Variants in RPS3 observed in about 807,000 individuals in gnomAD.
RPS3 encodes the protein ribosomal protein S3.
Under a neutral mutation model 25.8 loss-of-function variants are expected in RPS3, and 2 were observed. The observed-to-expected ratio is 0.08, with a 90% CI of 0.03 to 0.24. The LOEUF (loss-of-function observed/expected upper bound fraction) is 0.24. Among genes scored for constraint, RPS3 ranks in the 10% least tolerant of loss-of-function variants. The probability of loss-of-function intolerance (pLI) is 1.00; values close to 1 mark genes in which losing one functional copy is unlikely to be tolerated. For missense variants in RPS3, 107 were observed against 307.1 expected (o/e 0.35, Z 4.87); for synonymous variants, 114 against 114.2 (o/e 1.00, Z 0.01).
Position 75,406,284 on chromosome 11 carries a change from A to G in RPS3, c.*674A>G, listed in dbSNP as rs1434276497. 2 of 152,248 alleles carry G rather than the reference A, an allele frequency of 1.3e-5. No homozygotes were observed. Among genetic ancestry groups the G allele is most frequent in the Non-Finnish European group, 2.9e-5 (2 of 68,042 alleles). 9.4% of individuals were successfully genotyped at this position (152,248 alleles called of 1,614,324 possible). A position where few individuals can be genotyped will look rare whatever the true frequency, so the allele number is the denominator to read the frequency against. ...TCAATGTTTTGAAGTATTTTCTACC[A>G]GTGTCTGTACTTCACAAGAAATTCG... is the stretch of plus-strand genomic sequence containing the variant. On this transcript the variant is annotated 3_prime_UTR_variant, in exon 7 of 7. Transcript: ENST00000531188.
intron 4 of RPS3, 89 bp downstream of exon 4, chr11:75,402,535 C>G (rs954223748): frequency 7.2e-6 from 10 of 1,391,512 alleles, no homozygotes; most frequent in African/African-American, 4.3e-5. Context: ...TGAACTGTTA[C>G]AAAGTTACAG....
intron 6 of RPS3, among the ~76,000 whole-genome samples, chr11:75,417,372 G>C (rs1455432341): frequency 2.0e-5 from 3 of 152,086 alleles, no homozygotes; most frequent in African/African-American, 7.2e-5. Context: ...CCGAGCCAGG[G>C]GAATCAAAGG....
chr11:75,411,725 A>T (rs531880501), downstream of RPS3, among the ~76,000 whole-genome samples: 9 of 152,286 alleles, frequency 5.9e-5, no homozygotes, highest in Admixed American at 3.9e-4. Context: ...AGAGTTGAAA[A>T]TGCTTGTTGC....
chr11:75,404,442 G>A lies in RPS3; in HGVS notation c.539-230G>A, dbSNP rs779850272. The A allele has an allele frequency of 2.0e-5, 16 of 786,026 alleles. No homozygotes were observed. The highest frequency in any genetic ancestry group is 2.3e-4 in the Middle Eastern group (1 of 4,436). 48.7% of individuals were successfully genotyped at this position (786,026 alleles called of 1,614,324 possible). On this transcript the variant is annotated intron_variant, in intron 5 of 6. Transcript: ENST00000531188. The surrounding 1 kb of genome is among the most constrained non-coding windows in gnomAD (Gnocchi z 4.6). ...TACCCTTCAGTGATGACACGATGAC[G>A]AGTCAGAAAGGTCACGTCCTGCTCT... is the stretch of plus-strand genomic sequence containing the variant.
At position 75,404,361 on chromosome 11, in the gene RPS3, T is replaced by C; in HGVS notation, c.538+154T>C. The C allele has an allele frequency of 2.4e-6, 2 of 830,478 alleles. No individual in the cohort carries two copies. 51.4% of individuals were successfully genotyped at this position (830,478 alleles called of 1,614,324 possible). ...TGCCACGTTGATCTGTAAGAATCGA[T>C]TTGCTGAGATCTGTCAGATCCAAGA... On this transcript the variant is annotated intron_variant, in intron 5 of 6. Coordinates refer to ENST00000531188, the MANE Select transcript of RPS3 (RefSeq NM_001005.5). This position sits in a 1 kb window ranked among gnomAD's most constrained non-coding sequence, Gnocchi z 4.6.
intron 6 of RPS3, among the ~76,000 whole-genome samples, chr11:75,421,462 C>G (rs563259787): frequency 6.6e-6 from 1 of 152,324 alleles, no homozygotes; most frequent in South Asian, 2.1e-4. Context: ...TCTATGGTGT[C>G]TTTTGTTCCC....
Position 75,399,562 on chromosome 11 carries a change from A to G in RPS3, c.15A>G (p.Ile5Met), listed in dbSNP as rs1033354284. 11 of 1,613,878 alleles carry G rather than the reference A, an allele frequency of 6.8e-6. No homozygotes were observed. The highest frequency in any genetic ancestry group is 8.5e-6 in the Non-Finnish European group (10 of 1,179,920). MAVQ[I>M]SKKRKFVADG... ...GCGGCGGCAAGATGGCAGTGCAAAT[A>G]TCCAAGAAGAGGAAGGTGAGCCTCT... The change falls in exon 1 of 7, where the codon ATA (isoleucine) becomes ATG (methionine). Residue 5 changes from isoleucine to methionine, a missense_variant. Ile to Met is a conservative substitution (Grantham distance 10). Around this residue, in one of 2 missense-constraint regions of RPS3, gnomAD observed 26 missense variants for 20.4 expected, o/e 1.28. Transcript: ENST00000531188.
downstream of RPS3, among the ~76,000 whole-genome samples, chr11:75,409,132 C>G (rs1164242261): frequency 6.6e-6 from 1 of 151,934 alleles, no homozygotes; most frequent in African/African-American, 2.4e-5. Flanking sequence ...CAGGCACGTG[C>G]CACCATCTCT....
chr11:75,419,779 A>G (rs1948427770), intron 6 of RPS3, among the ~76,000 whole-genome samples: 2 of 152,056 alleles, frequency 1.3e-5, no homozygotes, highest in African/African-American at 2.4e-5. Flanking sequence ...GACTACAGGC[A>G]TACGCCACCA....
intron 2 of RPS3, 100 bp from the exon 3 acceptor site, chr11:75,401,540 T>C (rs1275515556): frequency 7.1e-6 from 6 of 841,814 alleles, no homozygotes; most frequent in South Asian, 1.6e-5. Flanking sequence ...ATGAAAATTA[T>C]ATGCTTTGTG....
rs1294867681 is a variant in RPS3, at chr11:75,405,931, G to C, written c.*321G>C. 4.8e-6 allele frequency: 1 copy of C among 209,738 alleles called. No homozygotes were observed. Among genetic ancestry groups the C allele is most frequent in the East Asian group, 1.2e-4 (1 of 8,158 alleles). 13.0% of individuals were successfully genotyped at this position (209,738 alleles called of 1,614,324 possible). A position where few individuals can be genotyped will look rare whatever the true frequency, so the allele number is the denominator to read the frequency against. ...GTAGGTTTAGAAGAGGGATATGTTT[G>C]AGTTTTTCCTATGCATAAGGCGATC... On this transcript the variant is annotated 3_prime_UTR_variant, in exon 7 of 7. Coordinates refer to ENST00000531188, the MANE Select transcript of RPS3 (RefSeq NM_001005.5).
chr11:75,400,493 T>G (rs541301480), intron 1 of RPS3: 10 of 740,880 alleles, frequency 1.3e-5, no homozygotes, highest in South Asian at 1.3e-4. Flanking sequence ...GAGCCCTGGT[T>G]GAAGTAATTT....
At chr11:75,414,761 G>C (rs1168547471) in intron 6 of RPS3, among the ~76,000 whole-genome samples, 3 of 152,228 alleles carry the variant, frequency 2.0e-5, no homozygotes, top group African/African-American at 4.8e-5. Context: ...GAGAACACCT[G>C]CTAGTAATGT....
At chr11:75,410,812 C>T (rs1176554509), downstream of RPS3, among the ~76,000 whole-genome samples, 3 of 152,198 alleles carry the variant, frequency 2.0e-5, no homozygotes, top group Non-Finnish European at 2.9e-5. Flanking sequence ...AGCAAAACCC[C>T]GTCTCCACCA....
At chr11:75,415,489 A>G (rs1226997946) in intron 6 of RPS3, among the ~76,000 whole-genome samples, 5 of 152,146 alleles carry the variant, frequency 3.3e-5, no homozygotes, top group African/African-American at 1.2e-4. Context: ...CCTGGCCAAC[A>G]TGGTGAAACC....
chr11:75,421,313 G>A (rs186130912), intron 6 of RPS3, among the ~76,000 whole-genome samples: 143 of 152,292 alleles, frequency 9.4e-4, no homozygotes, highest in African/African-American at 3.4e-3. Context: ...CTGGCTCTGT[G>A]CTGAAGGGAG....
Position 75,404,435 on chromosome 11 carries a change from C to G in RPS3, c.538+228C>G, listed in dbSNP as rs371588457. 4 of 784,912 alleles carry G rather than the reference C, an allele frequency of 5.1e-6. No individual in the cohort carries two copies. Among genetic ancestry groups the G allele is most frequent in the Admixed American group, 3.4e-5 (2 of 58,852 alleles). 48.6% of individuals were successfully genotyped at this position (784,912 alleles called of 1,614,324 possible). A position where few individuals can be genotyped will look rare whatever the true frequency, so the allele number is the denominator to read the frequency against. On this transcript the variant is annotated intron_variant, in intron 5 of 6. Coordinates refer to ENST00000531188, the MANE Select transcript of RPS3 (RefSeq NM_001005.5). The surrounding 1 kb of genome is among the most constrained non-coding windows in gnomAD (Gnocchi z 4.6). Reference sequence around the variant, plus strand: ...ATCTGTGTACCCTTCAGTGATGACACGATGACGAGTCAGAAAGGTCACGTC... The same window carrying G: ...ATCTGTGTACCCTTCAGTGATGACAGGATGACGAGTCAGAAAGGTCACGTC...
Position 75,404,605 on chromosome 11 carries a change from CTT to C in RPS3, c.539-65_539-64del. ...GGTGCTTGAGTAAACTGCTTGCTCT[CTT>C]TGGTCTTGTGTGATGGGGGCCTTTG... On this transcript the variant is annotated intron_variant, in intron 5 of 6. Coordinates refer to ENST00000531188, the MANE Select transcript of RPS3 (RefSeq NM_001005.5). This position sits in a 1 kb window ranked among gnomAD's most constrained non-coding sequence, Gnocchi z 4.6. The C allele has an allele frequency of 6.6e-7, 1 of 1,505,224 alleles. No individual in the cohort carries two copies. The highest frequency in any genetic ancestry group is 1.4e-5 in the African/African-American group (1 of 72,834). The allele number at this position is 1,505,224 out of a possible 1,614,324, so 93.2% of individuals were successfully genotyped here.
chr11:75,411,781 G>A (rs1234903715), downstream of RPS3, among the ~76,000 whole-genome samples: 2 of 152,232 alleles, frequency 1.3e-5, no homozygotes, highest in Admixed American at 1.3e-4. Context: ...TGCCACAGGA[G>A]TGCTGTTCAG....
Sources: allele counts gnomAD v4.1 joint callset (sites outside exome capture counted in the v4.1 genomes callset), GRCh38; gene constraint gnomAD v4.1.1; regional missense constraint gnomAD v4.1.1; non-coding constraint Gnocchi (gnomAD v3.1); transcripts MANE v1.5; gene names NCBI Gene and HGNC (gene_info 2026-07-23, HGNC 2026-07-21).